The following GRIN2B variants were observed in gnomAD, a reference collection of about 807,000 sequenced individuals.
The protein encoded by GRIN2B is glutamate ionotropic receptor NMDA type subunit 2B.
In GRIN2B, 5 loss-of-function variants were observed where a neutral mutation model predicts 114.5. The ratio of observed to expected loss-of-function variants is 0.04; its 90% confidence interval spans 0.02 to 0.09. The LOEUF (loss-of-function observed/expected upper bound fraction) is 0.09. Among genes scored for constraint, GRIN2B ranks in the 10% least tolerant of loss-of-function variants. The pLI is 1.00. For synonymous variants in GRIN2B, 787 were observed against 745.1 expected, an observed-to-expected ratio of 1.06 and a Z score of -0.92; for missense variants, 1,108 against 1,943.5, an observed-to-expected ratio of 0.57 and a Z score of 8.08.
chr12:13,878,554 G>A (rs1866025573), intron 2 of GRIN2B, among the ~76,000 whole-genome samples: 1 of 152,210 alleles, frequency 6.6e-6, no homozygotes, highest in Non-Finnish European at 1.5e-5. Context: ...GTGTTCTGCT[G>A]TGACTATAAA....
rs1565454641 is a variant in GRIN2B at position 13,564,384 on chromosome 12, G to C, written c.2854C>G (p.Pro952Ala). The change falls in exon 14 of 14, where the codon CCG becomes GCG. Residue 952 changes from proline to alanine, a missense_variant. Pro to Ala is a conservative substitution (Grantham distance 27, BLOSUM62 -1). Transcript: ENST00000609686. This position sits in a 1 kb window ranked among gnomAD's most constrained non-coding sequence, Gnocchi z 4.8. ...THSDCKSYNN[P>A]PCEENLFSDY... is the part of the protein sequence containing the mutation. Reference sequence around the variant, plus strand: ...CTGAAGAGGTTCTCCTCACAGGGCGGGTTGTTGTAGGATTTGCAGTCAGAA... The same window carrying C: ...CTGAAGAGGTTCTCCTCACAGGGCGCGTTGTTGTAGGATTTGCAGTCAGAA... 1 of 1,614,234 alleles carries C rather than the reference G, an allele frequency of 6.2e-7. No individual in the cohort carries two copies. Among genetic ancestry groups the C allele is most frequent in the Non-Finnish European group, 8.5e-7 (1 of 1,180,042 alleles).
intron 3 of GRIN2B, among the ~76,000 whole-genome samples, chr12:13,808,748 A>ATATATATATATATATATATATAT (rs1388525573): frequency 4.5e-4 from 50 of 110,248 alleles, no homozygotes; most frequent in East Asian, 1.4e-3. Context: ...TATAATAAAA[A>ATATATATATATATATATATATAT]AAAAATATAT....
At chr12:13,877,609 G>A (rs1866009501) in intron 2 of GRIN2B, among the ~76,000 whole-genome samples, 1 of 152,150 alleles carries the variant, frequency 6.6e-6, no homozygotes, top group Non-Finnish European at 1.5e-5. Context: ...GGGGTAGGAG[G>A]CACACAGACT....
chr12:13,855,570 C>T (rs547979701), intron 3 of GRIN2B, among the ~76,000 whole-genome samples: 1 of 152,304 alleles, frequency 6.6e-6, no homozygotes, highest in Admixed American at 6.5e-5. Context: ...CTTGCCTCTT[C>T]CAGTTTCTGG....
intron 4 of GRIN2B, 116 bp from the exon 5 acceptor site, chr12:13,675,975 G>A: frequency 1.4e-6 from 1 of 692,872 alleles, no homozygotes; most frequent in South Asian, 1.5e-5. Context: ...TAGAAATACA[G>A]ATACCATTAT....
intron 4 of GRIN2B, among the ~76,000 whole-genome samples, chr12:13,711,278 G>A (rs1455066943): frequency 6.6e-6 from 1 of 151,868 alleles, no homozygotes; most frequent in Non-Finnish European, 1.5e-5. Context: ...AAAAACCCTA[G>A]AAGAAAACCT....
chr12:13,563,781 C>G lies in GRIN2B; in HGVS notation c.3457G>C (p.Asp1153His). The G allele has an allele frequency of 6.2e-7, 1 of 1,614,090 alleles. No individual in the cohort carries two copies. Among genetic ancestry groups the G allele is most frequent in the Non-Finnish European group, 8.5e-7 (1 of 1,180,030 alleles). Residue 1153 changes from aspartate (D) to histidine (H), a missense_variant, in exon 14 of 14, where the codon GAC becomes CAC. Around this residue, in one of 19 missense-constraint regions of GRIN2B, gnomAD observed 478 missense variants for 506.0 expected, o/e 0.94. Transcript: ENST00000609686. Reference sequence around the variant, plus strand: ...TCATCACTCCGCTCCTTGTAGATGTCGGTCAGGTCTACGTGCTCCCAGTGG... The same window carrying G: ...TCATCACTCCGCTCCTTGTAGATGTGGGTCAGGTCTACGTGCTCCCAGTGG... ...SPHWEHVDLT[D>H]IYKERSDDFK...
intron 5 of GRIN2B, among the ~76,000 whole-genome samples, chr12:13,634,643 C>T (rs1949651287): frequency 6.6e-6 from 1 of 152,146 alleles, no homozygotes; most frequent in Non-Finnish European, 1.5e-5. Context: ...CCACACCTCA[C>T]CATAAATGGG....
At chr12:13,902,628 T>C (rs573166787) in intron 2 of GRIN2B, among the ~76,000 whole-genome samples, 9 of 152,222 alleles carry the variant, frequency 5.9e-5, no homozygotes, top group African/African-American at 2.2e-4. Flanking sequence ...CTGGCCAACC[T>C]AGTGAAACCC....
At chr12:13,719,249 A>G (rs1385551971) in intron 4 of GRIN2B, among the ~76,000 whole-genome samples, 1 of 152,060 alleles carries the variant, frequency 6.6e-6, no homozygotes, top group South Asian at 2.1e-4. Context: ...AGTCCCCTCT[A>G]TAAATATATG....
chr12:13,974,442 C>G (rs1862983746), intron 2 of GRIN2B, among the ~76,000 whole-genome samples: 1 of 152,154 alleles, frequency 6.6e-6, no homozygotes, highest in African/African-American at 2.4e-5. Flanking sequence ...TCTGAAATTC[C>G]TAATCAAAGA....
intron 3 of GRIN2B, among the ~76,000 whole-genome samples, chr12:13,834,635 C>A (rs557027025): frequency 6.6e-6 from 1 of 152,108 alleles, no homozygotes; most frequent in Non-Finnish European, 1.5e-5. Flanking sequence ...TCCCTTCGGC[C>A]CTTTCACAGG....
chr12:13,883,894 TA>T (rs1373278276), intron 2 of GRIN2B, among the ~76,000 whole-genome samples: 2 of 152,204 alleles, frequency 1.3e-5, no homozygotes, highest in African/African-American at 4.8e-5. Context: ...TGTTTTCCTC[TA>T]AAAGATTTTT....
chr12:13,709,846 C>T (rs745920760), intron 4 of GRIN2B, among the ~76,000 whole-genome samples: 11 of 151,948 alleles, frequency 7.2e-5, no homozygotes, highest in Non-Finnish European at 1.2e-4. Context: ...ATGATACTAC[C>T]GCTCTGAAAA....
chr12:13,636,588 A>C (rs1949668190), intron 5 of GRIN2B, among the ~76,000 whole-genome samples: 1 of 152,036 alleles, frequency 6.6e-6, no homozygotes, highest in South Asian at 2.1e-4. Flanking sequence ...AGATAAGAGG[A>C]TTTGCTAATG....
chr12:13,941,595 G>A (rs1190663377), intron 2 of GRIN2B, among the ~76,000 whole-genome samples: 5 of 152,182 alleles, frequency 3.3e-5, no homozygotes, highest in Admixed American at 3.3e-4. Context: ...GTTGGGGACA[G>A]GACAGCCACC....
chr12:13,726,032 T>C (rs930348220), intron 4 of GRIN2B, among the ~76,000 whole-genome samples: 1 of 152,186 alleles, frequency 6.6e-6, no homozygotes, highest in Non-Finnish European at 1.5e-5. Context: ...CATGAATTTC[T>C]ACCTACATCC....
chr12:13,780,343 C>T (rs1864084725), intron 3 of GRIN2B, among the ~76,000 whole-genome samples: 1 of 151,928 alleles, frequency 6.6e-6, no homozygotes, highest in Non-Finnish European at 1.5e-5. Flanking sequence ...TGCCTGAATT[C>T]TAGCCAGTAT....
chr12:13,640,785 G>A (rs1949707766), intron 5 of GRIN2B, among the ~76,000 whole-genome samples: 1 of 152,106 alleles, frequency 6.6e-6, no homozygotes, highest in Non-Finnish European at 1.5e-5. Context: ...ACCAAAATGT[G>A]TGATTGAGAT....
Sources: gnomAD v4.1 joint callset for allele counts (sites outside exome capture counted in the v4.1 genomes callset) on GRCh38, gnomAD v4.1.1 for gene constraint, gnomAD v4.1.1 regional missense constraint, Gnocchi (gnomAD v3.1) non-coding constraint, MANE v1.5 for transcripts, NCBI Gene and HGNC (gene_info 2026-07-23, HGNC 2026-07-21) for gene names.